The following MINDY4 variants were observed in gnomAD, a reference collection of about 807,000 sequenced individuals.
MINDY4 encodes probable ubiquitin carboxyl-terminal hydrolase MINDY-4.
MINDY4 carries 68 observed loss-of-function variants against 87.0 expected under a neutral mutation model. The ratio of observed to expected loss-of-function variants is 0.78; its 90% CI spans 0.64 to 0.96. MINDY4 has a LOEUF of 0.96. MINDY4 is among the 40% of genes least tolerant of loss of function. MINDY4 has a pLI of 0.00. For synonymous variants in MINDY4, 379 were observed against 363.2 expected (o/e 1.04, Z -0.50); for missense variants, 919 against 928.2 (o/e 0.99, Z 0.13).
intron 5 of MINDY4, among the ~76,000 whole-genome samples, chr7:30,818,961 C>A (rs959178340): frequency 3.3e-5 from 5 of 152,182 alleles, no homozygotes; most frequent in Non-Finnish European, 5.9e-5. Context: ...TTTATACTCT[C>A]TTCTCTTTAT....
At chr7:30,854,031 G>A (rs954692149) in intron 12 of MINDY4, among the ~76,000 whole-genome samples, 3 of 152,202 alleles carry the variant, frequency 2.0e-5, no homozygotes, top group Non-Finnish European at 1.5e-5. Context: ...TGAGCTGGGC[G>A]GGACGTGGCC....
intron 5 of MINDY4, among the ~76,000 whole-genome samples, chr7:30,828,046 A>C (rs542364124): frequency 1.1e-4 from 17 of 152,250 alleles, no homozygotes; most frequent in African/African-American, 3.6e-4. Context: ...GCTTTAGAAA[A>C]TGCTCCCTCA....
rs138423272 is a variant in MINDY4, at chr7:30,859,042, C to T, written c.1678-215C>T. 36 of 712,338 alleles carry T rather than the reference C, an allele frequency of 5.1e-5. No individual in the cohort carries two copies. In the East Asian group the frequency reaches 9.2e-4, roughly 18 times the overall value. The allele number at this position is 712,338 out of a possible 1,614,324, so 44.1% of individuals were successfully genotyped here. On this transcript the variant is annotated intron_variant, in intron 12 of 17. Coordinates refer to ENST00000265299, the MANE Select transcript of MINDY4 (RefSeq NM_032222.3). ...CTGATGCTCTCTTTGGTGGCCCCTG[C>T]ATCACCCTCGCTCTGCTGTCATTGT...
At chr7:30,789,729 T>G (rs572983197) in intron 4 of MINDY4, among the ~76,000 whole-genome samples, 1 of 152,316 alleles carries the variant, frequency 6.6e-6, no homozygotes, top group Middle Eastern at 3.4e-3. Flanking sequence ...GGCTTTACTA[T>G]TTGGTCTTGG....
At chr7:30,845,518 TAAAAAAAAA>T (rs78323541) in intron 9 of MINDY4, among the ~76,000 whole-genome samples, 1 of 129,916 alleles carries the variant, frequency 7.7e-6, no homozygotes, top group Non-Finnish European at 1.7e-5. Flanking sequence ...TGATCCAGCT[TAAAAAAAAA>T]AAAAAAAAAG....
intron 13 of MINDY4, among the ~76,000 whole-genome samples, chr7:30,869,450 A>G (rs1790036974): frequency 1.3e-5 from 2 of 152,322 alleles, no homozygotes; most frequent in South Asian, 4.1e-4. Context: ...TAGGGCTGCC[A>G]TAATGACAGA....
At chr7:30,809,741 C>T (rs1428168412) in intron 5 of MINDY4, among the ~76,000 whole-genome samples, 2 of 141,658 alleles carry the variant, frequency 1.4e-5, no homozygotes, top group Non-Finnish European at 3.0e-5. Flanking sequence ...AGTCCACAGA[C>T]ATAAAGGAAG....
chr7:30,781,664 C>A (rs565431406), intron 2 of MINDY4: 59 of 271,884 alleles, frequency 2.2e-4, no homozygotes, highest in Non-Finnish European at 3.4e-4. Flanking sequence ...TTCCTTGGAG[C>A]AAAAAATGAA....
chr7:30,831,670 G>T (rs1347270853), intron 6 of MINDY4, among the ~76,000 whole-genome samples: 1 of 152,018 alleles, frequency 6.6e-6, no homozygotes, highest in Non-Finnish European at 1.5e-5. Context: ...TCTGGTGTTG[G>T]GGCACTTCCA....
intron 1 of MINDY4, among the ~76,000 whole-genome samples, chr7:30,776,244 G>T (rs1005704561): frequency 6.6e-6 from 1 of 152,164 alleles, no homozygotes; most frequent in Non-Finnish European, 1.5e-5. Flanking sequence ...ATGAGTCTCT[G>T]GGTGACTTCT....
At position 30,872,195 on chromosome 7, in the gene MINDY4, A is replaced by G. The variant is rs751584291; in HGVS notation, c.1746-48A>G. On this transcript the variant is annotated intron_variant, in intron 13 of 17. Coordinates refer to ENST00000265299, the MANE Select transcript of MINDY4 (RefSeq NM_032222.3). ...GCCTGGTCACCTAGCGAGGTTTGCAACCTGGGTCAGGCAGAGCTGTGCTAA... is the reference window on the plus strand; with the variant it reads ...GCCTGGTCACCTAGCGAGGTTTGCAGCCTGGGTCAGGCAGAGCTGTGCTAA... 2.2e-5 allele frequency: 35 copies of G among 1,602,290 alleles called. No individual in the cohort carries two copies. The Admixed American group carries it at 3.0e-4, about 14-fold the overall frequency.
intron 15 of MINDY4, among the ~76,000 whole-genome samples, chr7:30,876,377 T>G (rs1048387020): frequency 1.3e-5 from 2 of 152,194 alleles, no homozygotes; most frequent in East Asian, 3.9e-4. Flanking sequence ...AACAACCCTG[T>G]GTCCAAATGC....
intron 5 of MINDY4, among the ~76,000 whole-genome samples, chr7:30,799,807 G>A (rs1355156738): frequency 6.6e-6 from 1 of 152,174 alleles, no homozygotes; most frequent in African/African-American, 2.4e-5. Context: ...TTTGTTGGGG[G>A]CATGCTCTCA....
Position 30,850,483 on chromosome 7 carries a change from C to T in MINDY4, c.1475C>T (p.Thr492Ile), listed in dbSNP as rs752085470. The change falls in exon 10 of 18, where the codon ACC becomes ATC. Residue 492 changes from threonine (T) to isoleucine (I), a missense_variant. Thr to Ile is a moderately conservative substitution (Grantham distance 89). Transcript: ENST00000265299. ...QGLQPSDAHR[T>I]RCLVLALADI... is the part of the protein sequence containing the mutation. ...CTGCAGCCTTCAGATGCCCACCGGA[C>T]CCGCTGCCTCGTCCTGGCCCTCGCA... is the stretch of plus-strand genomic sequence containing the variant. 1 of 1,612,616 alleles carries T rather than the reference C, an allele frequency of 6.2e-7. No homozygotes were observed. Among genetic ancestry groups the T allele is most frequent in the Non-Finnish European group, 8.5e-7 (1 of 1,179,484 alleles).
chr7:30,848,128 G>A (rs1227222363), intron 9 of MINDY4, among the ~76,000 whole-genome samples: 1 of 152,100 alleles, frequency 6.6e-6, no homozygotes, highest in Non-Finnish European at 1.5e-5. Context: ...GTGTTTGACA[G>A]GGGGTCTCCT....
chr7:30,797,739 T>C (rs556094411), intron 5 of MINDY4, among the ~76,000 whole-genome samples: 3 of 152,270 alleles, frequency 2.0e-5, no homozygotes, highest in East Asian at 3.9e-4. Flanking sequence ...AGGGTCCCTC[T>C]GGCTGCTGTG....
chr7:30,862,164 C>T (rs1335070627), intron 13 of MINDY4, among the ~76,000 whole-genome samples: 1 of 152,232 alleles, frequency 6.6e-6, no homozygotes, highest in East Asian at 1.9e-4. Context: ...CATGCTTCCC[C>T]CGAGGGCCTG....
At chr7:30,780,609 C>T (rs773136590) in intron 2 of MINDY4, 3 of 152,190 alleles carry the variant, frequency 2.0e-5, no homozygotes, top group Non-Finnish European at 4.4e-5. Flanking sequence ...GCACAAAGCT[C>T]GCCTGATTCC....
intron 17 of MINDY4, among the ~76,000 whole-genome samples, chr7:30,889,553 G>A (rs1263432404): frequency 6.6e-6 from 1 of 152,170 alleles, no homozygotes; most frequent in Non-Finnish European, 1.5e-5. Flanking sequence ...CTCCAAATAC[G>A]GCACCAGTGT....
Sources: allele counts gnomAD v4.1 joint callset (sites outside exome capture counted in the v4.1 genomes callset), GRCh38; gene constraint gnomAD v4.1.1; transcripts MANE v1.5; gene names NCBI Gene and HGNC (gene_info 2026-07-23, HGNC 2026-07-21).